The following WDR70 variants were observed in gnomAD, a reference collection of about 807,000 sequenced individuals.
WDR70 encodes the protein WD repeat domain 70, also known as WD repeat-containing protein 70.
In WDR70, 53 loss-of-function variants were observed where a neutral mutation model predicts 88.6. The observed-to-expected ratio is 0.60, with a 90% confidence interval of 0.48 to 0.75. The LOEUF is 0.75. Among genes scored for constraint, WDR70 ranks in the 30% least tolerant of loss-of-function variants. The pLI, the probability that WDR70 is intolerant of heterozygous loss-of-function variation, is 0.00. For missense variants in WDR70, 610 were observed against 823.2 expected, an observed-to-expected ratio of 0.74 and a Z score of 3.17; for synonymous variants, 280 against 270.0, an observed-to-expected ratio of 1.04 and a Z score of -0.36.
At chr5:37,502,945 A>C (rs1740449025) in intron 8 of WDR70, among the ~76,000 whole-genome samples, 1 of 152,342 alleles carries the variant, frequency 6.6e-6, no homozygotes, top group African/African-American at 2.4e-5. Context: ...CCCCACCATC[A>C]GCACTGAGGA....
chr5:37,703,592 AT>A (rs202076221), intron 13 of WDR70, among the ~76,000 whole-genome samples: 4,505 of 140,974 alleles, frequency 0.032, 95 homozygotes, highest in Middle Eastern at 0.11. Flanking sequence ...AGCATTTCAG[AT>A]TTAACTTCAA....
chr5:37,637,661 T>C (rs189115652), intron 10 of WDR70, among the ~76,000 whole-genome samples: 199 of 152,332 alleles, frequency 1.3e-3, no homozygotes, highest in African/African-American at 4.6e-3. Flanking sequence ...TACGTATACA[T>C]GACTCAGCTT....
chr5:37,437,660 G>T (rs1468617199), intron 5 of WDR70, among the ~76,000 whole-genome samples: 1 of 152,018 alleles, frequency 6.6e-6, no homozygotes, highest in Non-Finnish European at 1.5e-5. Context: ...TTGACAATAA[G>T]AGATAATTTT....
chr5:37,658,265 C>T (rs987006927), intron 10 of WDR70, among the ~76,000 whole-genome samples: 4 of 151,604 alleles, frequency 2.6e-5, no homozygotes, highest in African/African-American at 9.7e-5. Context: ...CAGTTCAAAC[C>T]TGTGCTGTTC....
intron 8 of WDR70, among the ~76,000 whole-genome samples, chr5:37,495,494 G>C (rs1013065153): frequency 6.6e-6 from 1 of 152,010 alleles, no homozygotes; most frequent in African/African-American, 2.4e-5. Context: ...GTGCGTGTGT[G>C]TGTGTGTGTT....
At chr5:37,599,959 A>C (rs969994573) in intron 9 of WDR70, among the ~76,000 whole-genome samples, 5 of 152,094 alleles carry the variant, frequency 3.3e-5, no homozygotes, top group African/African-American at 1.2e-4. Flanking sequence ...ACTCAAAATA[A>C]GTCATAGATT....
intron 10 of WDR70, among the ~76,000 whole-genome samples, chr5:37,665,771 G>A (rs1254470390): frequency 6.6e-6 from 1 of 152,182 alleles, no homozygotes; most frequent in Non-Finnish European, 1.5e-5. Context: ...CTGTTCTCTG[G>A]AAAGTTGCTT....
intron 9 of WDR70, among the ~76,000 whole-genome samples, chr5:37,555,806 C>T (rs1276107342): frequency 6.6e-6 from 1 of 152,126 alleles, no homozygotes; most frequent in Admixed American, 6.5e-5. Context: ...GCAACCTCCA[C>T]CTCCTGGGTT....
chr5:37,620,965 G>A (rs745797094), intron 10 of WDR70, among the ~76,000 whole-genome samples: 8 of 152,040 alleles, frequency 5.3e-5, no homozygotes, highest in Non-Finnish European at 1.2e-4. Context: ...AGAACAGGAA[G>A]CAGATGGATG....
rs765190732 is a variant in WDR70, at chr5:37,414,601, G to GTT, written c.492+18049_492+18050dup. 8.2e-3 allele frequency among the ~76,000 whole-genome samples: 991 copies of GTT among 121,244 alleles called. 12 individuals carry two copies. The highest frequency in any genetic ancestry group is 0.021 in the Middle Eastern group (5 of 240). 79.5% of individuals were successfully genotyped at this position (121,244 alleles called of 152,430 possible). Reference sequence around the variant, plus strand: ...AATGTAAGTTCTATGAGGACAGTCTGTTTTTTTTTTTTTTTTTTTACTGCT... The same window carrying GTT: ...AATGTAAGTTCTATGAGGACAGTCTGTTTTTTTTTTTTTTTTTTTTTACTGCT... On this transcript the variant is annotated intron_variant, in intron 5 of 17. Transcript: ENST00000265107.
At chr5:37,413,476 A>G (rs1358059746) in intron 5 of WDR70, among the ~76,000 whole-genome samples, 1 of 152,162 alleles carries the variant, frequency 6.6e-6, no homozygotes, top group Non-Finnish European at 1.5e-5. Context: ...TAATCCCAGC[A>G]CTTTGGGAGG....
rs1430601790 is a variant in WDR70 at position 37,722,925 on chromosome 5, A to G, written c.1588A>G (p.Ile530Val). ...AGCTGAGACTCTAACTCAGGACTAC[A>G]TCATCACCCGTAAGTCGTTAACATG... ...KQAETLTQDY[I>V]ITPHALPMFR... Residue 530 changes from isoleucine (I) to valine (V), a missense_variant, in exon 15 of 18, where the codon ATC becomes GTC. Coordinates refer to ENST00000265107, the MANE Select transcript of WDR70 (RefSeq NM_018034.4). 2.6e-5 allele frequency: 42 copies of G among 1,613,454 alleles called. No individual in the cohort carries two copies. The highest frequency in any genetic ancestry group is 3.5e-5 in the Non-Finnish European group (41 of 1,179,616).
At chr5:37,743,477 G>A in intron 17 of WDR70, among the ~76,000 whole-genome samples, 1 of 152,252 alleles carries the variant, frequency 6.6e-6, no homozygotes, top group Admixed American at 6.5e-5. Context: ...TGTGGGAGGG[G>A]CAGCAGCTAG....
At chr5:37,627,463 T>A (rs1326521209) in intron 10 of WDR70, among the ~76,000 whole-genome samples, 3 of 152,250 alleles carry the variant, frequency 2.0e-5, no homozygotes, top group African/African-American at 7.2e-5. Flanking sequence ...TTTTACTAAT[T>A]TGGGGTTTGT....
intron 3 of WDR70, among the ~76,000 whole-genome samples, chr5:37,385,447 T>A (rs10085007): frequency 0.14 from 18,807 of 138,340 alleles, 3,921 homozygotes; most frequent in African/African-American, 0.45. Flanking sequence ...TTGAGCCCAG[T>A]GGTTGAGGCT....
intron 9 of WDR70, among the ~76,000 whole-genome samples, chr5:37,532,181 G>T (rs1008676639): frequency 6.6e-6 from 1 of 152,142 alleles, no homozygotes; most frequent in Non-Finnish European, 1.5e-5. Context: ...TTGTCTCACA[G>T]CTCTGAAGAT....
chr5:37,540,627 G>T (rs961569197), intron 9 of WDR70, among the ~76,000 whole-genome samples: 1 of 152,150 alleles, frequency 6.6e-6, no homozygotes, highest in East Asian at 1.9e-4. Context: ...TGATCCACCC[G>T]CCTCGGCCTC....
intron 9 of WDR70, among the ~76,000 whole-genome samples, chr5:37,551,860 C>A (rs1309573487): frequency 6.7e-6 from 1 of 148,620 alleles, no homozygotes; most frequent in African/African-American, 2.5e-5. Flanking sequence ...CAAACTCTGC[C>A]TCCCGGGTTC....
intron 3 of WDR70, among the ~76,000 whole-genome samples, chr5:37,385,970 ATT>A (rs35515826): frequency 1.4e-5 from 2 of 139,534 alleles, no homozygotes; most frequent in Non-Finnish European, 1.6e-5. Context: ...TGCCTGGCTA[ATT>A]TTTTTTTTTT....
Sources: gnomAD v4.1 joint callset for allele counts (sites outside exome capture counted in the v4.1 genomes callset) on GRCh38, gnomAD v4.1.1 for gene constraint, MANE v1.5 for transcripts, NCBI Gene and HGNC (gene_info 2026-07-23, HGNC 2026-07-21) for gene names.